CDH7: variants seen among roughly 807,000 people sequenced by gnomAD.
The protein encoded by CDH7 is cadherin 7, also known as cadherin-7.
CDH7 carries 25 observed loss-of-function variants against 71.8 expected under a neutral mutation model. The observed-to-expected ratio is 0.35, with a 90% CI of 0.25 to 0.49. CDH7 has a LOEUF of 0.49. CDH7 is among the 20% of genes least tolerant of loss of function. The probability of loss-of-function intolerance (pLI) is 0.99; values close to 1 mark genes in which losing one functional copy is unlikely to be tolerated. For missense variants in CDH7, 862 were observed against 974.6 expected, an observed-to-expected ratio of 0.88 and a Z score of 1.54; for synonymous variants, 381 against 363.8, an observed-to-expected ratio of 1.05 and a Z score of -0.54.
At chr18:65,841,066 G>A (rs930055698) in intron 6 of CDH7, among the ~76,000 whole-genome samples, 2 of 151,788 alleles carry the variant, frequency 1.3e-5, no homozygotes, top group Non-Finnish European at 2.9e-5. Flanking sequence ...ACTAGATCCT[G>A]GCATATTTTG....
In CDH7 at chr18:65,881,549, C is replaced by T. The variant is rs1164334067; in HGVS notation, c.*655C>T. The T allele has an allele frequency of 6.6e-6, 1 of 151,882 alleles. No homozygotes were observed. The highest frequency in any genetic ancestry group is 6.6e-5 in the Admixed American group (1 of 15,240). 9.4% of individuals were successfully genotyped at this position (151,882 alleles called of 1,614,324 possible). A position where few individuals can be genotyped will look rare whatever the true frequency, so the allele number is the denominator to read the frequency against. On this transcript the variant is annotated 3_prime_UTR_variant, in exon 12 of 12. Coordinates refer to ENST00000397968, the MANE Select transcript of CDH7 (RefSeq NM_004361.5). ...TTTATCCAATAAATTATGAAGTGTT[C>T]CAAATAAGAAAAAGGTAAATAATTT...
intron 2 of CDH7, among the ~76,000 whole-genome samples, chr18:65,801,202 CCAT>C (rs1308327440): frequency 6.6e-6 from 1 of 152,110 alleles, no homozygotes; most frequent in African/African-American, 2.4e-5. Flanking sequence ...AGTAGATAGT[CCAT>C]AGTTATTTTT....
At chr18:65,857,752 G>A in intron 7 of CDH7, 64 bp from the exon 8 acceptor site, 1 of 1,514,372 alleles carries the variant, frequency 6.6e-7, no homozygotes, top group Non-Finnish European at 9.1e-7. Context: ...TAATGAAATA[G>A]TTTCAGCAAA....
At chr18:65,757,331 A>G (rs1261950621) in intron 1 of CDH7, among the ~76,000 whole-genome samples, 4 of 152,216 alleles carry the variant, frequency 2.6e-5, no homozygotes, top group African/African-American at 7.2e-5. Flanking sequence ...AAGTGATTTC[A>G]TATCAAATGA....
chr18:65,753,170 A>G (rs1915933430), intron 1 of CDH7, among the ~76,000 whole-genome samples: 2 of 152,172 alleles, frequency 1.3e-5, no homozygotes, highest in Non-Finnish European at 2.9e-5. Flanking sequence ...TCTCCTGGGC[A>G]CTAGTGTCTT....
chr18:65,806,447 G>A (rs1416373112), intron 2 of CDH7, among the ~76,000 whole-genome samples: 1 of 151,902 alleles, frequency 6.6e-6, no homozygotes, highest in Non-Finnish European at 1.5e-5. Context: ...CATTTGCAAG[G>A]GTATCTGTGA....
intron 2 of CDH7, among the ~76,000 whole-genome samples, chr18:65,804,885 A>G (rs1423411623): frequency 2.0e-5 from 3 of 152,224 alleles, no homozygotes; most frequent in African/African-American, 7.2e-5. Context: ...ACCATGAGCA[A>G]CAAAGCAAGG....
At chr18:65,820,341 G>A (rs1454719338) in intron 4 of CDH7, among the ~76,000 whole-genome samples, 1 of 151,448 alleles carries the variant, frequency 6.6e-6, no homozygotes, top group African/African-American at 2.4e-5. Flanking sequence ...AAAGTCTCAC[G>A]GAGTTATAGG....
At chr18:65,762,518 A>T (rs1916220507) in intron 1 of CDH7, 129 bp from the exon 2 acceptor site, 1 of 160,146 alleles carries the variant, frequency 6.2e-6, no homozygotes, top group Non-Finnish European at 1.4e-5. Flanking sequence ...AATTACACAA[A>T]TTATGATATT....
At chr18:65,843,723 C>T (rs1285405624) in intron 6 of CDH7, 89 bp from the exon 7 acceptor site, 11 of 1,239,458 alleles carry the variant, frequency 8.9e-6, no homozygotes, top group Non-Finnish European at 1.2e-5. Flanking sequence ...AGAGTCCTTC[C>T]TAAGCTTATT....
chr18:65,786,329 A>T (rs1476998192), intron 2 of CDH7, among the ~76,000 whole-genome samples: 1 of 152,138 alleles, frequency 6.6e-6, no homozygotes, highest in Non-Finnish European at 1.5e-5. Context: ...CATAAAATAT[A>T]TGGATTTTAA....
Position 65,822,088 on chromosome 18 carries a change from C to A in CDH7, c.633C>A (p.Ile211=). Residue 211 remains isoleucine (I), a synonymous_variant, in exon 5 of 12, where the codon ATC becomes ATA. Coordinates refer to ENST00000397968, the MANE Select transcript of CDH7 (RefSeq NM_004361.5). ...GGATTTGAAATTTTACAGGAGTCAT[C>A]AAGACTGCCCTTCCAAACATGGATA... ...YFSVEPKTGV[I]KTALPNMDRE... is the part of the protein sequence containing the mutation. The A allele has an allele frequency of 6.2e-7, 1 of 1,612,140 alleles. No individual in the cohort carries two copies. Among genetic ancestry groups the A allele is most frequent in the Non-Finnish European group, 8.5e-7 (1 of 1,178,334 alleles).
intron 2 of CDH7, among the ~76,000 whole-genome samples, chr18:65,780,542 C>T (rs1188397661): frequency 7.2e-6 from 1 of 138,710 alleles, no homozygotes; most frequent in East Asian, 2.1e-4. Flanking sequence ...GTTTTCCCAG[C>T]ACCATTTATT....
chr18:65,816,712 A>G lies in CDH7; in HGVS notation c.625+2108A>G, dbSNP rs148999831. Among the ~76,000 whole-genome samples the G allele has an allele frequency of 5.6e-3, 857 of 152,188 alleles. 3 individuals are homozygous for G. Among genetic ancestry groups the G allele is most frequent in the Middle Eastern group, 0.01 (3 of 292 alleles). ...GAGGGTAACTATATTTTCTGCGTCA[A>G]TTTCTCCTTCCCCCAACCTAGAATG... On this transcript the variant is annotated intron_variant, in intron 4 of 11. Coordinates refer to ENST00000397968, the MANE Select transcript of CDH7 (RefSeq NM_004361.5).
chr18:65,804,782 G>A (rs1231398474), intron 2 of CDH7, among the ~76,000 whole-genome samples: 2 of 151,654 alleles, frequency 1.3e-5, no homozygotes, highest in East Asian at 1.9e-4. Context: ...TGAGGAAACA[G>A]GAGTAAGAAA....
intron 3 of CDH7, among the ~76,000 whole-genome samples, chr18:65,812,345 C>T (rs991237101): frequency 6.6e-6 from 1 of 152,090 alleles, no homozygotes; most frequent in African/African-American, 2.4e-5. Context: ...GAATTATTTT[C>T]TGATGTCTTC....
At position 65,782,114 on chromosome 18, in the gene CDH7, CTTTCTTTCT is replaced by C. The variant is rs1568182548; in HGVS notation, c.210+19065_210+19073del. Among the ~76,000 whole-genome samples, 42 of 47,226 alleles carry C rather than the reference CTTTCTTTCT, an allele frequency of 8.9e-4. 2 individuals carry two copies. The highest frequency in any genetic ancestry group is 3.1e-3 in the African/African-American group (14 of 4,572). The allele number at this position is 47,226 out of a possible 152,430, so 31.0% of individuals were successfully genotyped here. A position where few individuals can be genotyped will look rare whatever the true frequency, so the allele number is the denominator to read the frequency against. ...TCCTTCCTTCCTTCCTTCCTTCTTT[CTTTCTTTCT>C]TTCTTTCTTTCTTTCTTTCTTTCTT... On this transcript the variant is annotated intron_variant, in intron 2 of 11. Coordinates refer to ENST00000397968, the MANE Select transcript of CDH7 (RefSeq NM_004361.5).
intron 2 of CDH7, among the ~76,000 whole-genome samples, chr18:65,781,768 T>A (rs1267791404): frequency 1.6e-5 from 1 of 62,886 alleles, no homozygotes; most frequent in African/African-American, 6.9e-5. Flanking sequence ...CTTTCTTTCT[T>A]TCCTTCCTTC....
intron 2 of CDH7, among the ~76,000 whole-genome samples, chr18:65,765,434 G>A (rs1244386732): frequency 6.6e-6 from 1 of 150,948 alleles, no homozygotes; most frequent in Non-Finnish European, 1.5e-5. Context: ...TATTACTTGG[G>A]TAAATAGACA....
Sources: allele counts gnomAD v4.1 joint callset (sites outside exome capture counted in the v4.1 genomes callset), GRCh38; gene constraint gnomAD v4.1.1; transcripts MANE v1.5; gene names NCBI Gene and HGNC (gene_info 2026-07-23, HGNC 2026-07-21).